Variants in SOX5 observed in about 807,000 individuals in gnomAD.
SOX5 encodes the protein SRY-box transcription factor 5.
In SOX5, 9 loss-of-function variants were observed where a neutral mutation model predicts 92.0. That is an observed-to-expected ratio of 0.10 (90% CI 0.06 to 0.17). The LOEUF (loss-of-function observed/expected upper bound fraction) is 0.17. SOX5 is among the 10% of genes least tolerant of loss of function. The pLI, the probability that SOX5 is intolerant of heterozygous loss-of-function variation, is 1.00. For synonymous variants in SOX5, 344 were observed against 336.3 expected (o/e 1.02, Z -0.25); for missense variants, 642 against 944.5 (o/e 0.68, Z 4.20).
chr12:23,930,038 C>T (rs1424809890), intron 1 of SOX5, among the ~76,000 whole-genome samples: 2 of 151,842 alleles, frequency 1.3e-5, no homozygotes, highest in East Asian at 1.9e-4. Flanking sequence ...ATTCAAACCA[C>T]GCATTCTGGA....
chr12:24,340,541 G>A (rs1309113850), intron 2 of SOX5, among the ~76,000 whole-genome samples: 1 of 152,198 alleles, frequency 6.6e-6, no homozygotes, highest in Non-Finnish European at 1.5e-5. Flanking sequence ...TGAAGCTGGT[G>A]TGAACCAGCA....
At chr12:23,669,047 C>CTATT (rs3030244) in intron 6 of SOX5, among the ~76,000 whole-genome samples, 150,960 of 152,192 alleles carry the variant, frequency 0.99, 74,879 homozygotes, top group Non-Finnish European at 1. Context: ...TTACATGTCC[C>CTATT]TATTTATTCA....
At chr12:24,548,213 G>A (rs2138906681) in intron 1 of SOX5, among the ~76,000 whole-genome samples, 1 of 152,320 alleles carries the variant, frequency 6.6e-6, no homozygotes, top group African/African-American at 2.4e-5. Context: ...CAGCATCGAT[G>A]TCCCTTGACA....
chr12:23,662,164 T>G (rs1198877275), intron 7 of SOX5, among the ~76,000 whole-genome samples: 6 of 151,526 alleles, frequency 4.0e-5, no homozygotes, highest in Admixed American at 3.3e-4. Flanking sequence ...TATACATATA[T>G]ATATATAGAG....
Position 24,322,992 on chromosome 12 carries a change from GT to G in SOX5, c.-174+45570del, listed in dbSNP as rs1260147856. Among the ~76,000 whole-genome samples the G allele has an allele frequency of 5.3e-5, 8 of 151,624 alleles. No individual in the cohort carries two copies. In the East Asian group the frequency reaches 1.4e-3, roughly 26 times the overall value. ...TTATTAAGGTTTTTTGTTTTGTTTT[GT>G]TTTTTTAAAACAATTTCATTCAATT... is the stretch of plus-strand genomic sequence containing the variant. On this transcript the variant is annotated intron_variant, in intron 2 of 4. Coordinates refer to the SOX5 transcript ENST00000446891.
intron 4 of SOX5, among the ~76,000 whole-genome samples, chr12:23,961,505 A>T (rs762884796): frequency 6.6e-6 from 1 of 152,062 alleles, no homozygotes; most frequent in Non-Finnish European, 1.5e-5. Flanking sequence ...TGAACTGTGC[A>T]TTACTCTTGG....
In SOX5 at chr12:23,531,580, T is replaced by TAACA. The variant is rs1226699402; in HGVS notation, c.*2635_*2638dup. ...CCCACATAAATCGGAAGGAATTTGT[T>TAACA]AACAAAGACAGAGAACAAATTTTTT... On this transcript the variant is annotated 3_prime_UTR_variant, in exon 15 of 15. Coordinates refer to ENST00000451604, the MANE Select transcript of SOX5 (RefSeq NM_006940.6). The TAACA allele has an allele frequency of 6.6e-6, 1 of 152,172 alleles. No individual in the cohort carries two copies. The highest frequency in any genetic ancestry group is 2.4e-5 in the African/African-American group (1 of 41,424). The allele number at this position is 152,172 out of a possible 1,614,324, so 9.4% of individuals were successfully genotyped here. A position where few individuals can be genotyped will look rare whatever the true frequency, so the allele number is the denominator to read the frequency against.
chr12:24,086,243 T>A (rs544919023), intron 4 of SOX5, among the ~76,000 whole-genome samples: 130 of 151,902 alleles, frequency 8.6e-4, no homozygotes, highest in African/African-American at 3.0e-3. Context: ...AAACCCCTAG[T>A]TGGAAATAAT....
intron 7 of SOX5, among the ~76,000 whole-genome samples, chr12:23,648,300 G>T (rs2081129249): frequency 6.6e-6 from 1 of 152,126 alleles, no homozygotes. Context: ...TGCAATCTGC[G>T]TGAAACACAC....
At chr12:24,219,670 T>C (rs1233245587) in intron 3 of SOX5, among the ~76,000 whole-genome samples, 1 of 152,158 alleles carries the variant, frequency 6.6e-6, no homozygotes, top group East Asian at 1.9e-4. Flanking sequence ...CTAACCTCTC[T>C]GTTTAGTTAA....
chr12:23,649,457 A>G (rs911137684), intron 7 of SOX5, among the ~76,000 whole-genome samples: 1 of 152,150 alleles, frequency 6.6e-6, no homozygotes, highest in African/African-American at 2.4e-5. Context: ...ACCATGTGTA[A>G]GTTATTCAAG....
intron 3 of SOX5, among the ~76,000 whole-genome samples, chr12:23,756,235 T>TA (rs11400643): frequency 0.19 from 28,055 of 145,798 alleles, 2,953 homozygotes; most frequent in Non-Finnish European, 0.24. Context: ...ACTGCGAACA[T>TA]AAAAAAAAAC....
intron 3 of SOX5, among the ~76,000 whole-genome samples, chr12:23,802,794 T>A (rs979695719): frequency 2.0e-5 from 3 of 152,208 alleles, no homozygotes; most frequent in Admixed American, 2.0e-4. Context: ...TACGTAATTA[T>A]CTTAACTCTG....
At chr12:24,294,772 C>T (rs1038004742) in intron 2 of SOX5, among the ~76,000 whole-genome samples, 21 of 152,286 alleles carry the variant, frequency 1.4e-4, no homozygotes, top group Admixed American at 3.3e-4. Context: ...TCATTTGCTG[C>T]GCACAAAGTA....
intron 1 of SOX5, among the ~76,000 whole-genome samples, chr12:24,398,638 T>C (rs777139054): frequency 1.3e-5 from 2 of 152,104 alleles, no homozygotes; most frequent in African/African-American, 4.8e-5. Context: ...GAAAAAGAAA[T>C]CTATCAAAAA....
Position 23,708,147 on chromosome 12 carries a change from G to A in SOX5, c.810+26537C>T, listed in dbSNP as rs536441967. ...GAATGGTAAATACTATAGAGGTTCAGAAGAATTTTTTTGTTCTAGGAAAAT... is the reference window on the plus strand; with the variant it reads ...GAATGGTAAATACTATAGAGGTTCAAAAGAATTTTTTTGTTCTAGGAAAAT... On this transcript the variant is annotated intron_variant, in intron 6 of 14. Coordinates refer to ENST00000451604, the MANE Select transcript of SOX5 (RefSeq NM_006940.6). 2.0e-5 allele frequency among the ~76,000 whole-genome samples: 3 copies of A among 151,660 alleles called. No homozygotes were observed. The South Asian group carries it at 6.2e-4, about 32-fold the overall frequency.
intron 11 of SOX5, among the ~76,000 whole-genome samples, chr12:23,551,471 A>G (rs1322277151): frequency 1.3e-5 from 2 of 151,882 alleles, no homozygotes; most frequent in Non-Finnish European, 2.9e-5. Flanking sequence ...CTTGTAAGTT[A>G]TGTATAAATG....
intron 1 of SOX5, among the ~76,000 whole-genome samples, chr12:24,499,283 T>C (rs1038005359): frequency 6.6e-6 from 1 of 152,186 alleles, no homozygotes; most frequent in East Asian, 1.9e-4. Flanking sequence ...ACAGGAGATA[T>C]GAAATACATA....
chr12:24,423,936 GC>G (rs1190341164), intron 1 of SOX5, among the ~76,000 whole-genome samples: 1 of 152,086 alleles, frequency 6.6e-6, no homozygotes, highest in Non-Finnish European at 1.5e-5. Context: ...GGAGATAAGG[GC>G]CCCAGCATGC....
Sources: gnomAD v4.1 joint callset for allele counts (sites outside exome capture counted in the v4.1 genomes callset) on GRCh38, gnomAD v4.1.1 for gene constraint, MANE v1.5 for transcripts, NCBI Gene and HGNC (gene_info 2026-07-23, HGNC 2026-07-21) for gene names.